Variants in PDZRN4 observed in about 807,000 individuals in gnomAD.
The protein encoded by PDZRN4 is PDZ domain containing ring finger 4.
In PDZRN4, 70 loss-of-function variants were observed where a neutral mutation model predicts 99.0. The observed-to-expected ratio is 0.71, with a 90% confidence interval of 0.58 to 0.86. The LOEUF (loss-of-function observed/expected upper bound fraction) is 0.86, where lower values mean the gene tolerates loss of function less well. Among genes scored for constraint, PDZRN4 ranks in the 40% least tolerant of loss-of-function variants. PDZRN4 has a pLI of 0.00. For missense variants in PDZRN4, 1,474 were observed against 1,331.2 expected (o/e 1.11, Z -1.67); for synonymous variants, 551 against 501.6 (o/e 1.10, Z -1.32).
At chr12:41,208,835 CT>C (rs985341923) in intron 3 of PDZRN4, among the ~76,000 whole-genome samples, 2 of 151,490 alleles carry the variant, frequency 1.3e-5, no homozygotes, top group African/African-American at 2.4e-5. Flanking sequence ...GTTCTTTGTG[CT>C]TTTTTTCCTT....
At position 41,572,377 on chromosome 12, in the gene PDZRN4, A is replaced by T. The variant is rs1236846555; in HGVS notation, c.1598A>T (p.Glu533Val). Residue 533 changes from glutamate (E) to valine (V), a missense_variant, in exon 10 of 10, where the codon GAA becomes GTA. Glu to Val is a moderately radical substitution (Grantham distance 121). Transcript: ENST00000402685. ...ANEVEQPKKQEEEEGTTDTAT... is the reference protein window; with the variant it reads ...ANEVEQPKKQVEEEGTTDTAT... ...TCATTTTCTTAGCCAAAAAAGCAAG[A>T]AGAAGAAGAAGGCACAACAGACACT... 2.5e-6 allele frequency: 4 copies of T among 1,594,676 alleles called. No individual in the cohort carries two copies. Among genetic ancestry groups the T allele is most frequent in the Non-Finnish European group, 8.6e-7 (1 of 1,168,612 alleles).
chr12:41,297,025 G>C (rs567994010), intron 3 of PDZRN4, among the ~76,000 whole-genome samples: 1 of 152,264 alleles, frequency 6.6e-6, no homozygotes, highest in Admixed American at 6.5e-5. Context: ...GTGTAAAAAA[G>C]ACTACACTGA....
intron 6 of PDZRN4, among the ~76,000 whole-genome samples, chr12:41,555,099 C>T (rs967101659): frequency 6.8e-6 from 1 of 146,474 alleles, no homozygotes; most frequent in Non-Finnish European, 1.5e-5. Flanking sequence ...GGCGTGGTGG[C>T]AGGCATCTGT....
At chr12:41,457,686 T>G (rs1352906406) in intron 3 of PDZRN4, among the ~76,000 whole-genome samples, 1 of 152,214 alleles carries the variant, frequency 6.6e-6, no homozygotes, top group Non-Finnish European at 1.5e-5. Flanking sequence ...ACATGGTATT[T>G]GTTTTAAAAT....
intron 3 of PDZRN4, among the ~76,000 whole-genome samples, chr12:41,300,847 A>G (rs1253735730): frequency 6.6e-6 from 1 of 151,952 alleles, no homozygotes; most frequent in Non-Finnish European, 1.5e-5. Flanking sequence ...CAGGGAAAAT[A>G]AATATGTCTT....
chr12:41,319,647 C>A (rs1428326852), intron 3 of PDZRN4, among the ~76,000 whole-genome samples: 2 of 152,148 alleles, frequency 1.3e-5, no homozygotes, highest in African/African-American at 4.8e-5. Flanking sequence ...ACCTGCCCAC[C>A]AATTCCAAAA....
chr12:41,240,654 G>A (rs1181723986), intron 3 of PDZRN4, among the ~76,000 whole-genome samples: 1 of 152,180 alleles, frequency 6.6e-6, no homozygotes, highest in Non-Finnish European at 1.5e-5. Flanking sequence ...TGGAGGCTGG[G>A]AAGTTCAAGG....
At chr12:41,332,952 A>G (rs1951750025) in intron 3 of PDZRN4, among the ~76,000 whole-genome samples, 1 of 152,064 alleles carries the variant, frequency 6.6e-6, no homozygotes, top group South Asian at 2.1e-4. Context: ...ACAGTAACCT[A>G]CTGAAAAGTA....
At chr12:41,343,014 T>C (rs1196582164) in intron 3 of PDZRN4, among the ~76,000 whole-genome samples, 1 of 151,948 alleles carries the variant, frequency 6.6e-6, no homozygotes, top group African/African-American at 2.4e-5. Flanking sequence ...ATATGTGGTT[T>C]ATATACACAG....
At chr12:41,402,785 A>C (rs1171787558) in intron 3 of PDZRN4, among the ~76,000 whole-genome samples, 1 of 150,962 alleles carries the variant, frequency 6.6e-6, no homozygotes, top group Non-Finnish European at 1.5e-5. Flanking sequence ...GTTTTGTATA[A>C]GAAAACAATC....
At chr12:41,340,898 C>T (rs1019092416) in intron 3 of PDZRN4, among the ~76,000 whole-genome samples, 1 of 151,680 alleles carries the variant, frequency 6.6e-6, no homozygotes, top group African/African-American at 2.4e-5. Flanking sequence ...CAAAACCAGA[C>T]AAGGACACAA....
intron 3 of PDZRN4, among the ~76,000 whole-genome samples, chr12:41,334,160 C>A (rs2120999953): frequency 6.6e-6 from 1 of 152,200 alleles, no homozygotes; most frequent in Middle Eastern, 3.4e-3. Context: ...GCATTTGAAT[C>A]TCTGAGCTCC....
intron 7 of PDZRN4, among the ~76,000 whole-genome samples, chr12:41,562,579 A>C (rs1239645157): frequency 6.6e-6 from 1 of 152,136 alleles, no homozygotes; most frequent in Non-Finnish European, 1.5e-5. Context: ...TAAATCAAAA[A>C]TCTTGCTGTC....
chr12:41,306,649 T>G (rs957646148), intron 3 of PDZRN4, among the ~76,000 whole-genome samples: 1 of 152,214 alleles, frequency 6.6e-6, no homozygotes, highest in African/African-American at 2.4e-5. Flanking sequence ...ATTCTCCAAA[T>G]GTTTAAGTTC....
At chr12:41,475,364 T>C (rs1729999622) in intron 3 of PDZRN4, among the ~76,000 whole-genome samples, 1 of 152,220 alleles carries the variant, frequency 6.6e-6, no homozygotes, top group Non-Finnish European at 1.5e-5. Flanking sequence ...TGTAAAATTG[T>C]AGGGTAAAAT....
intron 3 of PDZRN4, among the ~76,000 whole-genome samples, chr12:41,351,935 A>C (rs1045631137): frequency 2.6e-5 from 4 of 151,610 alleles, no homozygotes; most frequent in Admixed American, 6.6e-5. Flanking sequence ...ACTTGAGCTC[A>C]GGAGTGTGAG....
At chr12:41,459,714 A>G (rs997852238) in intron 3 of PDZRN4, among the ~76,000 whole-genome samples, 1 of 152,240 alleles carries the variant, frequency 6.6e-6, no homozygotes, top group Non-Finnish European at 1.5e-5. Context: ...GTGAATGCTT[A>G]TTAGACACTA....
At chr12:41,385,602 C>G (rs968510672) in intron 3 of PDZRN4, among the ~76,000 whole-genome samples, 1 of 151,980 alleles carries the variant, frequency 6.6e-6, no homozygotes, top group Non-Finnish European at 1.5e-5. Context: ...GCACATACAC[C>G]CTTCCAAGAC....
rs767198322 is a variant in PDZRN4 at position 41,191,513 on chromosome 12, G to A, written c.704G>A (p.Gly235Glu). ...TTAGAAAGAGAAAATGACACTTTGG[G>A]ATTCAATATTATAGGAGGTCGACCA... is the stretch of plus-strand genomic sequence containing the variant. ...IVLERENDTL[G>E]FNIIGGRPNQ... is the part of the protein sequence containing the mutation. Residue 235 changes from glycine (G) to glutamate (E), a missense_variant, in exon 2 of 10, where the codon GGA (glycine) becomes GAA (glutamate). Gly to Glu is a moderately conservative substitution (Grantham distance 98). Coordinates refer to ENST00000402685, the MANE Select transcript of PDZRN4 (RefSeq NM_001164595.2). The A allele has an allele frequency of 1.3e-6, 2 of 1,569,974 alleles. No homozygotes were observed. The highest frequency in any genetic ancestry group is 2.2e-5 in the East Asian group (1 of 44,502).
Sources: gnomAD v4.1 joint callset for allele counts (sites outside exome capture counted in the v4.1 genomes callset) on GRCh38, gnomAD v4.1.1 for gene constraint, MANE v1.5 for transcripts, NCBI Gene and HGNC (gene_info 2026-07-23, HGNC 2026-07-21) for gene names.